RNF130: variants seen among roughly 807,000 people sequenced by gnomAD.
The protein encoded by RNF130 is ring finger protein 130.
Under a neutral mutation model 44.6 loss-of-function variants are expected in RNF130, and 21 were observed. The observed-to-expected ratio is 0.47, with a 90% CI of 0.33 to 0.68. The LOEUF is 0.68. RNF130 is among the 30% of genes least tolerant of loss of function. The probability of loss-of-function intolerance (pLI) is 0.02; values close to 1 mark genes in which losing one functional copy is unlikely to be tolerated. For synonymous variants in RNF130, 214 were observed against 210.4 expected, an observed-to-expected ratio of 1.02 and a Z score of -0.15; for missense variants, 479 against 560.6, an observed-to-expected ratio of 0.85 and a Z score of 1.47.
intron 1 of RNF130, among the ~76,000 whole-genome samples, chr5:180,067,220 T>C (rs1765128773): frequency 6.6e-6 from 1 of 152,124 alleles, no homozygotes; most frequent in South Asian, 2.1e-4. Context: ...TCCCTTCTGC[T>C]CCCCTCCATG....
intron 1 of RNF130, among the ~76,000 whole-genome samples, chr5:180,069,927 A>C (rs1205571937): frequency 6.6e-6 from 1 of 152,220 alleles, no homozygotes; most frequent in Non-Finnish European, 1.5e-5. Context: ...GCAAGCAACA[A>C]GTAGCTGAAG....
At chr5:179,923,786 A>G (rs1033952676) in intron 7 of RNF130, among the ~76,000 whole-genome samples, 3 of 152,208 alleles carry the variant, frequency 2.0e-5, no homozygotes, top group African/African-American at 7.2e-5. Flanking sequence ...CTCTTGCTCA[A>G]TTAAACTCTG....
chr5:180,008,876 C>A (rs2113075974), intron 3 of RNF130, among the ~76,000 whole-genome samples: 1 of 151,528 alleles, frequency 6.6e-6, no homozygotes, highest in East Asian at 1.9e-4. Context: ...AGAGTAAGAC[C>A]CTCTCTCAAA....
chr5:179,925,136 G>C (rs1449798470), intron 7 of RNF130, among the ~76,000 whole-genome samples: 2 of 152,198 alleles, frequency 1.3e-5, no homozygotes, highest in Non-Finnish European at 2.9e-5. Flanking sequence ...TAAAGAGGTG[G>C]GTGAAGGCGG....
At chr5:180,065,193 T>C (rs1194929644) in intron 1 of RNF130, among the ~76,000 whole-genome samples, 1 of 151,928 alleles carries the variant, frequency 6.6e-6, no homozygotes, top group African/African-American at 2.4e-5. Context: ...CTTCAGAAGG[T>C]ACAACTTTTC....
chr5:180,000,862 G>A (rs1261325125), intron 3 of RNF130, among the ~76,000 whole-genome samples: 1 of 152,010 alleles, frequency 6.6e-6, no homozygotes, highest in Non-Finnish European at 1.5e-5. Flanking sequence ...TTCCTTTTCT[G>A]GCAATTCATT....
At chr5:179,978,825 G>A (rs747858959) in intron 4 of RNF130, among the ~76,000 whole-genome samples, 6 of 152,280 alleles carry the variant, frequency 3.9e-5, no homozygotes, top group East Asian at 3.9e-4. Context: ...TTCAATACTC[G>A]GTCTTCATTA....
chr5:179,930,697 G>A (rs1582125844), intron 7 of RNF130, among the ~76,000 whole-genome samples: 1 of 152,238 alleles, frequency 6.6e-6, no homozygotes, highest in African/African-American at 2.4e-5. Context: ...ATTAGATTAA[G>A]GAAGCACTCT....
intron 1 of RNF130, among the ~76,000 whole-genome samples, chr5:180,059,021 C>T (rs75654641): frequency 0.1 from 15,843 of 152,210 alleles, 1,042 homozygotes; most frequent in East Asian, 0.22. Flanking sequence ...AAAAATCCCT[C>T]CAATAGTTTT....
chr5:180,056,977 C>G (rs1226288262), intron 1 of RNF130, among the ~76,000 whole-genome samples: 1 of 152,232 alleles, frequency 6.6e-6, no homozygotes, highest in Non-Finnish European at 1.5e-5. Flanking sequence ...TAGTCTTCAT[C>G]CCTGGTTTCT....
intron 3 of RNF130, among the ~76,000 whole-genome samples, chr5:180,011,375 G>T (rs1307806325): frequency 1.3e-5 from 2 of 152,208 alleles, no homozygotes; most frequent in Non-Finnish European, 1.5e-5. Context: ...CTATGGTTAT[G>T]TAAGAGAATG....
In RNF130 at chr5:180,021,575, T is replaced by G. The variant is rs889949845; in HGVS notation, c.443-8264A>C. Among the ~76,000 whole-genome samples the G allele has an allele frequency of 2.6e-5, 4 of 152,074 alleles. No individual in the cohort carries two copies. In the South Asian group the frequency reaches 8.3e-4, roughly 32 times the overall value. ...CTCCCTGGGTCCCCACTTCAGTCTT[T>G]TTTCCATACTAATTCTAGAGTCCCA... On this transcript the variant is annotated intron_variant, in intron 2 of 8. Transcript: ENST00000521389.
At chr5:179,929,796 C>A (rs1246846408) in intron 7 of RNF130, among the ~76,000 whole-genome samples, 3 of 151,988 alleles carry the variant, frequency 2.0e-5, no homozygotes, top group African/African-American at 7.3e-5. Flanking sequence ...ATACACACAC[C>A]CACACCCACC....
intron 8 of RNF130, chr5:179,955,919 C>T (rs574780058): frequency 1.8e-5 from 7 of 385,158 alleles, no homozygotes; most frequent in African/African-American, 1.2e-4. Flanking sequence ...AGGCCCATGG[C>T]GTGTTGTTTA....
intron 3 of RNF130, among the ~76,000 whole-genome samples, chr5:180,010,412 T>C (rs901804359): frequency 2.0e-5 from 3 of 151,958 alleles, no homozygotes; most frequent in African/African-American, 4.8e-5. Flanking sequence ...CAGGCTGGAG[T>C]GCAGTGGTAC....
At position 180,034,540 on chromosome 5, in the gene RNF130, T is replaced by A. The variant is rs928841960; in HGVS notation, c.442+5913A>T. ...CTTACTTATTATAGCTACTCAGATA[T>A]GCTATTTTTTCTTGAGTCAATTCTG... On this transcript the variant is annotated intron_variant, in intron 2 of 8. Coordinates refer to ENST00000521389, the MANE Select transcript of RNF130 (RefSeq NM_018434.6). Among the ~76,000 whole-genome samples, 3 of 152,246 alleles carry A rather than the reference T, an allele frequency of 2.0e-5. No individual in the cohort carries two copies. The South Asian group carries it at 6.2e-4, about 32-fold the overall frequency.
intron 6 of RNF130, 63 bp from the exon 7 acceptor site, chr5:179,967,073 A>G: frequency 6.8e-7 from 1 of 1,472,770 alleles, no homozygotes; most frequent in Non-Finnish European, 9.4e-7. Context: ...TAAGATTCTA[A>G]AAAAGATTCT....
intron 7 of RNF130, chr5:179,940,194 T>G (rs1761952175): frequency 6.6e-6 from 1 of 152,524 alleles, no homozygotes; most frequent in African/African-American, 2.4e-5. Flanking sequence ...GCACTGGCAG[T>G]GGCTCCTCAC....
chr5:179,929,831 G>A (rs1275556165), intron 7 of RNF130, among the ~76,000 whole-genome samples: 1 of 152,062 alleles, frequency 6.6e-6, no homozygotes, highest in African/African-American at 2.4e-5. Context: ...CGAAATCACA[G>A]TAAGTCTATA....
Sources: gnomAD v4.1 joint callset for allele counts (sites outside exome capture counted in the v4.1 genomes callset) on GRCh38, gnomAD v4.1.1 for gene constraint, MANE v1.5 for transcripts, NCBI Gene and HGNC (gene_info 2026-07-23, HGNC 2026-07-21) for gene names.